The following EVI5 variants were observed in gnomAD, a reference collection of about 807,000 sequenced individuals.
EVI5 encodes the protein ecotropic viral integration site 5 protein homolog.
A neutral mutation model predicts 112.0 loss-of-function variants in EVI5; 73 were observed. The observed-to-expected ratio is 0.65, with a 90% CI of 0.54 to 0.79. The LOEUF (loss-of-function observed/expected upper bound fraction) is 0.79, where lower values mean the gene tolerates loss of function less well. EVI5 is among the 30% of genes least tolerant of loss of function. The pLI is 0.00. For missense variants in EVI5, 900 were observed against 968.8 expected, an observed-to-expected ratio of 0.93 and a Z score of 0.94; for synonymous variants, 305 against 319.9, an observed-to-expected ratio of 0.95 and a Z score of 0.50.
intron 19 of EVI5, 26 bp from the exon 20 acceptor site, chr1:92,513,996 A>C: frequency 1.4e-6 from 2 of 1,421,250 alleles, no homozygotes; most frequent in Non-Finnish European, 1.9e-6. Flanking sequence ...CCAAGTTAAT[A>C]CAGTCAAATG....
At chr1:92,635,257 C>G (rs182481414) in intron 14 of EVI5, among the ~76,000 whole-genome samples, 1 of 152,190 alleles carries the variant, frequency 6.6e-6, no homozygotes, top group Non-Finnish European at 1.5e-5. Flanking sequence ...ACTTTTGATT[C>G]GCTATGCCCT....
chr1:92,518,193 T>G (rs937195784), intron 19 of EVI5, among the ~76,000 whole-genome samples: 2 of 152,186 alleles, frequency 1.3e-5, no homozygotes, highest in African/African-American at 4.8e-5. Flanking sequence ...CCATCATGAC[T>G]GGCAAAGCAT....
intron 18 of EVI5, among the ~76,000 whole-genome samples, chr1:92,566,803 CTTTTT>C (rs57042163): frequency 1.0e-5 from 1 of 97,880 alleles, no homozygotes; most frequent in Admixed American, 1.2e-4. Flanking sequence ...TGTGTGCCTG[CTTTTT>C]TTTTTTTTTT....
rs115010249 is a variant in EVI5, at chr1:92,701,296, A to G, written c.639+845T>C. On this transcript the variant is annotated intron_variant, in intron 5 of 19. Transcript: ENST00000684568. ...ACTGAACTTTCACTGCCTATCTCCT[A>G]TGAGCCAAACACCATGCTAGGCTTC... Among the ~76,000 whole-genome samples the G allele has an allele frequency of 4.4e-3, 676 of 152,280 alleles. 4 individuals carry two copies. Among genetic ancestry groups the G allele is most frequent in the African/African-American group, 0.015 (643 of 41,558 alleles).
intron 18 of EVI5, among the ~76,000 whole-genome samples, chr1:92,575,989 TAC>T (rs1671020335): frequency 6.6e-6 from 1 of 152,168 alleles, no homozygotes; most frequent in African/African-American, 2.4e-5. Context: ...CCAAATAAAA[TAC>T]TGTTTTTATT....
chr1:92,661,596 G>A (rs1319393756), intron 13 of EVI5, among the ~76,000 whole-genome samples: 1 of 151,096 alleles, frequency 6.6e-6, no homozygotes, highest in Non-Finnish European at 1.5e-5. Context: ...TGATATTATT[G>A]ACATTACATA....
intron 1 of EVI5, among the ~76,000 whole-genome samples, chr1:92,776,532 T>C (rs972848390): frequency 5.3e-5 from 8 of 152,166 alleles, no homozygotes; most frequent in African/African-American, 1.9e-4. Flanking sequence ...GCTCATAACT[T>C]TTTCTAGTCT....
chr1:92,566,365 T>G (rs1021853146), intron 18 of EVI5, among the ~76,000 whole-genome samples: 1 of 152,172 alleles, frequency 6.6e-6, no homozygotes, highest in Admixed American at 6.5e-5. Flanking sequence ...AAGATTATAA[T>G]AAGAAATTCG....
At chr1:92,666,314 T>C (rs1265087259) in intron 10 of EVI5, among the ~76,000 whole-genome samples, 4 of 151,638 alleles carry the variant, frequency 2.6e-5, no homozygotes, top group Non-Finnish European at 5.9e-5. Flanking sequence ...TAGCCAGGAA[T>C]GGTGGTGATG....
chr1:92,712,718 C>G (rs187744348), intron 2 of EVI5, among the ~76,000 whole-genome samples: 3 of 152,004 alleles, frequency 2.0e-5, no homozygotes, highest in Admixed American at 2.0e-4. Flanking sequence ...TTGAAAATAT[C>G]TATTTTGCTT....
At position 92,764,439 on chromosome 1, in the gene EVI5, G is replaced by A. The variant is rs189892119; in HGVS notation, c.-82+20397C>T. On this transcript the variant is annotated intron_variant, in intron 1 of 19. Transcript: ENST00000684568. ...TGGCAAGAATTCTTTCCATAATTCC[G>A]TTTCTACTCTGAGACAGAACACTTA... Among the ~76,000 whole-genome samples, 182 of 152,210 alleles carry A rather than the reference G, an allele frequency of 1.2e-3. 1 individual carries two copies. The South Asian group carries it at 0.018, about 15-fold the overall frequency.
At chr1:92,613,933 C>A (rs10159031) in intron 16 of EVI5, among the ~76,000 whole-genome samples, 13,153 of 152,160 alleles carry the variant, frequency 0.086, 1,599 homozygotes, top group African/African-American at 0.27. Flanking sequence ...CACTGTTGCC[C>A]CTCCAACTCT....
At chr1:92,778,297 G>A (rs1212409528) in intron 1 of EVI5, among the ~76,000 whole-genome samples, 1 of 152,034 alleles carries the variant, frequency 6.6e-6, no homozygotes, top group Non-Finnish European at 1.5e-5. Flanking sequence ...GGAACTGCCA[G>A]AACAAAGAGT....
At chr1:92,790,299 GC>G (rs1436400687) in intron 1 of EVI5, among the ~76,000 whole-genome samples, 1 of 151,992 alleles carries the variant, frequency 6.6e-6, no homozygotes, top group Non-Finnish European at 1.5e-5. Flanking sequence ...CCAGAGTGGG[GC>G]CCTGTCTCAA....
At chr1:92,748,892 C>A (rs1401349319) in intron 1 of EVI5, among the ~76,000 whole-genome samples, 1 of 151,684 alleles carries the variant, frequency 6.6e-6, no homozygotes, top group East Asian at 1.9e-4. Flanking sequence ...CAGAAGAAAC[C>A]CCATCTCTAC....
chr1:92,622,793 T>C (rs1654868288), intron 16 of EVI5, among the ~76,000 whole-genome samples: 1 of 152,234 alleles, frequency 6.6e-6, no homozygotes, highest in Admixed American at 6.5e-5. Context: ...TCAGCAATGG[T>C]ATTAAGCACA....
chr1:92,763,647 T>C (rs1682206368), intron 1 of EVI5, among the ~76,000 whole-genome samples: 1 of 151,772 alleles, frequency 6.6e-6, no homozygotes, highest in Non-Finnish European at 1.5e-5. Context: ...ATTTAAACAT[T>C]TGGGGCTGGA....
chr1:92,769,583 T>TTG (rs1683096442), intron 1 of EVI5, among the ~76,000 whole-genome samples: 1 of 152,094 alleles, frequency 6.6e-6, no homozygotes, highest in African/African-American at 2.4e-5. Context: ...CAGCTATGAT[T>TTG]AAGTTAAAGA....
At chr1:92,771,892 T>C (rs1683461761) in intron 1 of EVI5, among the ~76,000 whole-genome samples, 1 of 152,066 alleles carries the variant, frequency 6.6e-6, no homozygotes, top group African/African-American at 2.4e-5. Context: ...TCTCGCTCTG[T>C]CGCCCAGGCT....
Sources: allele counts gnomAD v4.1 joint callset (sites outside exome capture counted in the v4.1 genomes callset), GRCh38; gene constraint gnomAD v4.1.1; transcripts MANE v1.5; gene names NCBI Gene and HGNC (gene_info 2026-07-23, HGNC 2026-07-21).